HNF4G: variants seen among roughly 807,000 people sequenced by gnomAD.
The protein encoded by HNF4G is hepatocyte nuclear factor 4 gamma.
Under a neutral mutation model 50.9 loss-of-function variants are expected in HNF4G, and 21 were observed. The observed-to-expected ratio is 0.41, with a 90% confidence interval of 0.29 to 0.59. The LOEUF (loss-of-function observed/expected upper bound fraction) is 0.59. Ranked by LOEUF, HNF4G falls within the 20% of genes least tolerant of loss-of-function variation. The pLI is 0.26. For missense variants in HNF4G, 527 were observed against 559.4 expected (o/e 0.94, Z 0.58); for synonymous variants, 198 against 185.6 (o/e 1.07, Z -0.54).
intron 1 of HNF4G, among the ~76,000 whole-genome samples, chr8:75,411,526 A>G (rs932789417): frequency 1.1e-4 from 17 of 152,334 alleles, no homozygotes; most frequent in Admixed American, 2.6e-4. Context: ...ACATGTTGAC[A>G]GAGTATGCTC....
intron 1 of HNF4G, among the ~76,000 whole-genome samples, chr8:75,541,216 T>C (rs1269703430): frequency 6.6e-6 from 1 of 152,160 alleles, no homozygotes; most frequent in Non-Finnish European, 1.5e-5. Flanking sequence ...ATCATAACAC[T>C]TATTTACTAT....
intron 5 of HNF4G, among the ~76,000 whole-genome samples, chr8:75,555,179 C>G (rs916490334): frequency 2.6e-5 from 4 of 152,172 alleles, no homozygotes; most frequent in African/African-American, 9.7e-5. Context: ...AGAAGTGGAT[C>G]ACTTTGGCTT....
chr8:75,493,818 TA>T lies in HNF4G; in HGVS notation c.-24+3611del, dbSNP rs1263305572. On this transcript the variant is annotated intron_variant, in intron 2 of 10. Transcript: ENST00000354370. Reference sequence around the variant, plus strand: ...ACTTGTTAATTTTATTAAGCCTGATTATGTTTTAATTGTTATTCTTTTTCAA... The same window carrying T: ...ACTTGTTAATTTTATTAAGCCTGATTTGTTTTAATTGTTATTCTTTTTCAA... Among the ~76,000 whole-genome samples the T allele has an allele frequency of 1.1e-4, 16 of 152,272 alleles. No individual in the cohort carries two copies. The East Asian group carries it at 3.1e-3, about 29-fold the overall frequency.
intron 5 of HNF4G, among the ~76,000 whole-genome samples, chr8:75,555,301 A>G (rs775825966): frequency 6.6e-6 from 1 of 152,114 alleles, no homozygotes; most frequent in Non-Finnish European, 1.5e-5. Context: ...TACTAGATGA[A>G]GATAATGGGG....
chr8:75,500,442 C>T (rs140988795), intron 2 of HNF4G, among the ~76,000 whole-genome samples: 69 of 152,170 alleles, frequency 4.5e-4, no homozygotes, highest in African/African-American at 1.6e-3. Flanking sequence ...GCCAACTGCT[C>T]TGGGAAAATG....
chr8:75,508,205 G>T (rs1055122764), intron 2 of HNF4G, among the ~76,000 whole-genome samples: 1 of 151,934 alleles, frequency 6.6e-6, no homozygotes, highest in African/African-American at 2.4e-5. Context: ...GGGAGATTGG[G>T]CCGGGAGCTC....
intron 2 of HNF4G, among the ~76,000 whole-genome samples, chr8:75,530,839 C>A (rs930237685): frequency 3.4e-5 from 5 of 145,184 alleles, no homozygotes; most frequent in Non-Finnish European, 5.9e-5. Flanking sequence ...GTCACCCAGG[C>A]TGGAGTGCAG....
rs562447780 is a variant in HNF4G, at chr8:75,494,274, GA to G, written c.-24+4072del. 3.9e-4 allele frequency among the ~76,000 whole-genome samples: 51 copies of G among 131,324 alleles called. 1 individual carries two copies. In the South Asian group the frequency reaches 0.012, roughly 30 times the overall value. 86.2% of individuals were successfully genotyped at this position (131,324 alleles called of 152,430 possible). A position where few individuals can be genotyped will look rare whatever the true frequency, so the allele number is the denominator to read the frequency against. On this transcript the variant is annotated intron_variant, in intron 2 of 10. Transcript: ENST00000354370. ...AAGTGTTATTTTTACACAGAGTAAG[GA>G]AAAAAGCTACTGCTCTCCCATACAG...
At chr8:75,420,822 G>A (rs950872300) in intron 1 of HNF4G, among the ~76,000 whole-genome samples, 1 of 152,164 alleles carries the variant, frequency 6.6e-6, no homozygotes, top group Admixed American at 6.5e-5. Context: ...TTAGGATGCC[G>A]AGTATTTAAT....
At chr8:75,512,432 T>C (rs1277482568) in intron 2 of HNF4G, among the ~76,000 whole-genome samples, 1 of 136,622 alleles carries the variant, frequency 7.3e-6, no homozygotes, top group Non-Finnish European at 1.5e-5. Flanking sequence ...AACATCTTTA[T>C]TATTATTATT....
chr8:75,514,354 C>CTTTTTTTTTTTTTT (rs36078375), intron 2 of HNF4G, among the ~76,000 whole-genome samples: 8 of 125,028 alleles, frequency 6.4e-5, no homozygotes, highest in South Asian at 2.5e-4. Context: ...TTTCTTCTTT[C>CTTTTTTTTTTTTTT]TTTTTTTTTT....
intron 6 of HNF4G, among the ~76,000 whole-genome samples, chr8:75,556,743 G>T (rs752366134): frequency 3.3e-5 from 5 of 152,132 alleles, no homozygotes; most frequent in Non-Finnish European, 5.9e-5. Flanking sequence ...TGGCATGTGT[G>T]AAAATATGAC....
At chr8:75,516,949 T>A (rs2941420) in intron 2 of HNF4G, among the ~76,000 whole-genome samples, 13 of 151,986 alleles carry the variant, frequency 8.6e-5, no homozygotes, top group South Asian at 2.1e-4. Context: ...ACTGGGTAAC[T>A]TATAAAGAAA....
rs1194769153 is a variant in HNF4G at position 75,566,400 on chromosome 8, TA to T, written c.*2308del. On this transcript the variant is annotated 3_prime_UTR_variant, in exon 10 of 10. Transcript: ENST00000396423. Reference sequence around the variant, plus strand: ...GCAAATACCTTTGAAGTATAAAAGATAAAATTCATTTTTAGTGAACCCTGTA... The same window carrying T: ...GCAAATACCTTTGAAGTATAAAAGATAAATTCATTTTTAGTGAACCCTGTA... The T allele has an allele frequency of 6.6e-6, 1 of 152,544 alleles. No homozygotes were observed. Among genetic ancestry groups the T allele is most frequent in the Non-Finnish European group, 1.5e-5 (1 of 68,012 alleles). The allele number at this position is 152,544 out of a possible 1,614,324, so 9.4% of individuals were successfully genotyped here. A position where few individuals can be genotyped will look rare whatever the true frequency, so the allele number is the denominator to read the frequency against.
At chr8:75,445,706 T>C (rs1465735923) in intron 1 of HNF4G, among the ~76,000 whole-genome samples, 3 of 136,970 alleles carry the variant, frequency 2.2e-5, no homozygotes, top group Non-Finnish European at 3.1e-5. Flanking sequence ...CCTCGACACA[T>C]ACACTCTCCC....
chr8:75,541,642 G>A (rs1379480102), intron 1 of HNF4G, among the ~76,000 whole-genome samples: 2 of 151,876 alleles, frequency 1.3e-5, no homozygotes, highest in Admixed American at 6.6e-5. Flanking sequence ...CCTTTTGTTA[G>A]CTATACAATA....
At chr8:75,559,132 C>T (rs1395886382) in intron 8 of HNF4G, 95 bp downstream of exon 8, 1 of 825,624 alleles carries the variant, frequency 1.2e-6, no homozygotes, top group Non-Finnish European at 2.0e-6. Flanking sequence ...AATTCATCTA[C>T]TGAAGTTGCT....
intron 6 of HNF4G, among the ~76,000 whole-genome samples, chr8:75,556,439 C>A (rs1462329017): frequency 6.6e-6 from 1 of 151,988 alleles, no homozygotes; most frequent in Admixed American, 6.6e-5. Context: ...TTATTTTACA[C>A]ACTTTAAAAA....
chr8:75,554,077 C>A (rs1807047572), intron 5 of HNF4G, among the ~76,000 whole-genome samples: 1 of 151,964 alleles, frequency 6.6e-6, no homozygotes, highest in African/African-American at 2.4e-5. Flanking sequence ...GAGCGTTTCA[C>A]CTGGTGACAG....
Sources: gnomAD v4.1 joint callset for allele counts (sites outside exome capture counted in the v4.1 genomes callset) on GRCh38, gnomAD v4.1.1 for gene constraint, MANE v1.5 for transcripts, NCBI Gene and HGNC (gene_info 2026-07-23, HGNC 2026-07-21) for gene names.